Variants in EPS15 observed in about 807,000 individuals in gnomAD.
EPS15 encodes the protein epidermal growth factor receptor pathway substrate 15.
A neutral mutation model predicts 113.8 loss-of-function variants in EPS15; 72 were observed. That is an observed-to-expected ratio of 0.63 (90% CI 0.52 to 0.77). The LOEUF (loss-of-function observed/expected upper bound fraction) is 0.77, where lower values mean the gene tolerates loss of function less well. EPS15 is among the 30% of genes least tolerant of loss of function. EPS15 has a pLI of 0.00. For synonymous variants in EPS15, 344 were observed against 363.4 expected, an observed-to-expected ratio of 0.95 and a Z score of 0.61; for missense variants, 1,048 against 1,045.8, an observed-to-expected ratio of 1.00 and a Z score of -0.03.
chr1:51,477,207 T>C (rs1643924678), intron 2 of EPS15, among the ~76,000 whole-genome samples: 1 of 152,178 alleles, frequency 6.6e-6, no homozygotes, highest in African/African-American at 2.4e-5. Context: ...CAGGAATTTA[T>C]CCATTTCTTC....
At chr1:51,417,140 T>C (rs1254720551) in intron 13 of EPS15, among the ~76,000 whole-genome samples, 1 of 152,126 alleles carries the variant, frequency 6.6e-6, no homozygotes, top group Non-Finnish European at 1.5e-5. Flanking sequence ...AGCTCATGTA[T>C]CTAATTTTAT....
chr1:51,470,646 C>CAAAAAAAAAAAAAAAAAAAAAAAAA (rs10616476), intron 4 of EPS15, among the ~76,000 whole-genome samples: 1 of 72,996 alleles, frequency 1.4e-5, no homozygotes, highest in South Asian at 5.5e-4. Flanking sequence ...GGCTCTGTCT[C>CAAAAAAAAAAAAAAAAAAAAAAAAA]AAAAAAAAAA....
Position 51,483,350 on chromosome 1 carries a change from AC to A in EPS15, c.34-2037del, listed in dbSNP as rs202077618. On this transcript the variant is annotated intron_variant, in intron 1 of 24. Coordinates refer to ENST00000371733, the MANE Select transcript of EPS15 (RefSeq NM_001981.3). ...CCTAATTTATAAATTAAACTTTATCACAGGTATGACATACACACAGATATAT... is the reference window on the plus strand; with the variant it reads ...CCTAATTTATAAATTAAACTTTATCAAGGTATGACATACACACAGATATAT... Among the ~76,000 whole-genome samples, 97 of 152,102 alleles carry A rather than the reference AC, an allele frequency of 6.4e-4. No homozygotes were observed. In the East Asian group the frequency reaches 0.012, roughly 18 times the overall value.
chr1:51,481,723 T>C lies in EPS15; in HGVS notation c.34-409A>G, dbSNP rs1644023965. 1.3e-5 allele frequency among the ~76,000 whole-genome samples: 2 copies of C among 152,182 alleles called. 1 individual carries two copies. The highest frequency in any genetic ancestry group is 4.8e-5 in the African/African-American group (2 of 41,432). On this transcript the variant is annotated intron_variant, in intron 1 of 24. Coordinates refer to ENST00000371733, the MANE Select transcript of EPS15 (RefSeq NM_001981.3). Reference sequence around the variant, plus strand: ...GAATACATTTCAAAAACCACTTCAATAAAACAATTAAATGAATATACAAAC... The same window carrying C: ...GAATACATTTCAAAAACCACTTCAACAAAACAATTAAATGAATATACAAAC...
chr1:51,385,546 C>T (rs969958559), intron 21 of EPS15, among the ~76,000 whole-genome samples: 2 of 152,140 alleles, frequency 1.3e-5, no homozygotes, highest in Non-Finnish European at 2.9e-5. Flanking sequence ...TCCAGCAATT[C>T]TACTTTTAGA....
chr1:51,460,772 G>C (rs367563379), intron 8 of EPS15, among the ~76,000 whole-genome samples: 4 of 151,982 alleles, frequency 2.6e-5, no homozygotes, highest in African/African-American at 9.7e-5. Context: ...TAGCCAACAC[G>C]GCAAAACCCC....
At chr1:51,449,413 A>G (rs1653346640) in intron 8 of EPS15, among the ~76,000 whole-genome samples, 1 of 152,142 alleles carries the variant, frequency 6.6e-6, no homozygotes, top group African/African-American at 2.4e-5. Flanking sequence ...ACAAAGAAGG[A>G]AACAACAGAC....
At chr1:51,368,131 C>CA (rs1359377946) in intron 21 of EPS15, among the ~76,000 whole-genome samples, 1 of 151,284 alleles carries the variant, frequency 6.6e-6, no homozygotes, top group African/African-American at 2.4e-5. Flanking sequence ...GACTCCGTCT[C>CA]AAAAAAAATA....
intron 13 of EPS15, among the ~76,000 whole-genome samples, chr1:51,421,053 A>C (rs749620495): frequency 6.6e-6 from 1 of 152,106 alleles, no homozygotes; most frequent in Non-Finnish European, 1.5e-5. Flanking sequence ...CAGTACCCCA[A>C]TAACATGGCC....
At chr1:51,447,180 C>T in intron 9 of EPS15, 75 bp from the exon 10 acceptor site, 1 of 1,296,112 alleles carries the variant, frequency 7.7e-7, no homozygotes, top group Non-Finnish European at 1.1e-6. Flanking sequence ...CAATCCATTA[C>T]AATATCCATC....
At chr1:51,377,645 G>A (rs925617675) in intron 21 of EPS15, among the ~76,000 whole-genome samples, 3 of 152,042 alleles carry the variant, frequency 2.0e-5, no homozygotes, top group Admixed American at 6.6e-5. Flanking sequence ...CTAAAAGGAC[G>A]GATACCAATT....
chr1:51,413,859 C>T lies in EPS15; in HGVS notation c.1114-4163G>A, dbSNP rs535407778. On this transcript the variant is annotated intron_variant, in intron 13 of 24. Coordinates refer to ENST00000371733, the MANE Select transcript of EPS15 (RefSeq NM_001981.3). ...AACCTCCTGGGCTCAAGTAATCTTC[C>T]CACCTCAGCCTCCCAAGTAGCTGAG... 1.6e-4 allele frequency among the ~76,000 whole-genome samples: 24 copies of T among 152,236 alleles called. No homozygotes were observed. In the South Asian group the frequency reaches 4.8e-3, roughly 30 times the overall value.
chr1:51,448,689 G>A (rs1016504574), intron 8 of EPS15, among the ~76,000 whole-genome samples: 1 of 152,116 alleles, frequency 6.6e-6, no homozygotes, highest in Non-Finnish European at 1.5e-5. Flanking sequence ...AAACTGTGGG[G>A]AAATTTTTAC....
At chr1:51,376,940 G>A (rs1049616250) in intron 21 of EPS15, among the ~76,000 whole-genome samples, 1 of 152,096 alleles carries the variant, frequency 6.6e-6, no homozygotes, top group Non-Finnish European at 1.5e-5. Flanking sequence ...AACCTCCTGG[G>A]AAGGATTCAC....
intron 21 of EPS15, among the ~76,000 whole-genome samples, chr1:51,387,651 A>T (rs1217354344): frequency 6.6e-6 from 1 of 152,198 alleles, no homozygotes; most frequent in African/African-American, 2.4e-5. Context: ...GAAAACAAAA[A>T]AAGGCAGGGG....
chr1:51,517,345 T>C (rs867311549), intron 1 of EPS15, among the ~76,000 whole-genome samples: 3 of 152,194 alleles, frequency 2.0e-5, no homozygotes, highest in East Asian at 1.9e-4. Flanking sequence ...TACCTAAATA[T>C]ATAACCCAAG....
chr1:51,402,082 A>G (rs1648613599), intron 18 of EPS15, among the ~76,000 whole-genome samples: 1 of 152,260 alleles, frequency 6.6e-6, no homozygotes, highest in African/African-American at 2.4e-5. Context: ...AGTTGCAGTG[A>G]GCCGAGATTG....
At chr1:51,425,030 T>C (rs1651085143) in intron 12 of EPS15, among the ~76,000 whole-genome samples, 1 of 152,220 alleles carries the variant, frequency 6.6e-6, no homozygotes, top group African/African-American at 2.4e-5. Context: ...GGAAATGAAA[T>C]GATCCTACTC....
At chr1:51,365,834 G>T in intron 22 of EPS15, 119 bp downstream of exon 22, 1 of 582,644 alleles carries the variant, frequency 1.7e-6, no homozygotes, top group Non-Finnish European at 3.0e-6. Flanking sequence ...ATCAACATTT[G>T]CTGTGATTTA....
Sources: gnomAD v4.1 joint callset for allele counts (sites outside exome capture counted in the v4.1 genomes callset) on GRCh38, gnomAD v4.1.1 for gene constraint, MANE v1.5 for transcripts, NCBI Gene and HGNC (gene_info 2026-07-23, HGNC 2026-07-21) for gene names.